Variants in ENTHD1 observed in about 807,000 individuals in gnomAD.
ENTHD1 encodes the protein ENTH domain containing 1, also known as ENTH domain-containing protein 1.
ENTHD1 carries 23 observed loss-of-function variants against 39.1 expected under a neutral mutation model. The ratio of observed to expected loss-of-function variants is 0.59; its 90% confidence interval spans 0.42 to 0.83. ENTHD1 has a LOEUF of 0.83. Ranked by LOEUF, ENTHD1 falls within the 40% of genes least tolerant of loss-of-function variation. ENTHD1 has a pLI of 0.00. For missense variants in ENTHD1, 624 were observed against 705.4 expected (o/e 0.88, Z 1.31); for synonymous variants, 230 against 258.2 (o/e 0.89, Z 1.05).
rs112826235 is a variant in ENTHD1 at position 39,843,542 on chromosome 22, G to A, written c.593-7584C>T. On this transcript the variant is annotated intron_variant, in intron 3 of 6. Transcript: ENST00000325157. Reference sequence around the variant, plus strand: ...GAGTTAGTGGGTGCAGCGCACCAGCGTGGCACATGTATACATATGTAACTA... The same window carrying A: ...GAGTTAGTGGGTGCAGCGCACCAGCATGGCACATGTATACATATGTAACTA... Among the ~76,000 whole-genome samples, 1,325 of 151,868 alleles carry A rather than the reference G, an allele frequency of 8.7e-3. 9 individuals carry two copies. The highest frequency in any genetic ancestry group is 0.011 in the Non-Finnish European group (753 of 67,942).
intron 6 of ENTHD1, among the ~76,000 whole-genome samples, chr22:39,761,802 C>T (rs189822567): frequency 2.8e-4 from 43 of 152,004 alleles, no homozygotes; most frequent in African/African-American, 8.7e-4. Flanking sequence ...TTTTGCCTGC[C>T]GAGATGCTCC....
intron 5 of ENTHD1, among the ~76,000 whole-genome samples, chr22:39,792,745 G>C (rs1351504240): frequency 6.6e-6 from 1 of 152,142 alleles, no homozygotes; most frequent in Non-Finnish European, 1.5e-5. Context: ...CAGGCAAGAA[G>C]AACCCATTGG....
At chr22:39,783,278 A>G (rs977728643) in intron 5 of ENTHD1, among the ~76,000 whole-genome samples, 1 of 152,164 alleles carries the variant, frequency 6.6e-6, no homozygotes, top group Non-Finnish European at 1.5e-5. Flanking sequence ...GAAATTGAAG[A>G]GGACCTAAAA....
At chr22:39,819,335 A>C (rs1162084532) in intron 5 of ENTHD1, among the ~76,000 whole-genome samples, 3 of 152,014 alleles carry the variant, frequency 2.0e-5, no homozygotes, top group Non-Finnish European at 2.9e-5. Flanking sequence ...ACTGTACTCC[A>C]ACCTGGGTGA....
chr22:39,874,154 G>T (rs1469324058), intron 2 of ENTHD1: 1 of 152,114 alleles, frequency 6.6e-6, no homozygotes, highest in Admixed American at 6.5e-5. Context: ...CAAAAGACCT[G>T]CCCCCATGAT....
chr22:39,797,864 TTC>T (rs2065563649), intron 5 of ENTHD1, among the ~76,000 whole-genome samples: 1 of 152,144 alleles, frequency 6.6e-6, no homozygotes, highest in African/African-American at 2.4e-5. Context: ...GTTTTTAGAA[TTC>T]TCTGTTTTTG....
chr22:39,744,549 C>T (rs1372653051), intron 6 of ENTHD1, among the ~76,000 whole-genome samples: 1 of 152,168 alleles, frequency 6.6e-6, no homozygotes, highest in East Asian at 1.9e-4. Context: ...CATCTTGACT[C>T]AAACCCTGCC....
chr22:39,836,973 C>G (rs781524039), intron 3 of ENTHD1, among the ~76,000 whole-genome samples: 2 of 152,152 alleles, frequency 1.3e-5, no homozygotes, highest in Non-Finnish European at 2.9e-5. Flanking sequence ...ATCAATTACC[C>G]AGTCTCAGGT....
At chr22:39,853,836 A>C (rs1321640254) in intron 3 of ENTHD1, among the ~76,000 whole-genome samples, 1 of 152,172 alleles carries the variant, frequency 6.6e-6, no homozygotes, top group Non-Finnish European at 1.5e-5. Flanking sequence ...TGGCCTCCCA[A>C]AGTGCTGGGA....
chr22:39,822,332 C>T lies in ENTHD1; in HGVS notation c.712-1219G>A, dbSNP rs117485678. Among the ~76,000 whole-genome samples the T allele has an allele frequency of 2.4e-3, 360 of 152,214 alleles. 2 individuals are homozygous for T. Among genetic ancestry groups the T allele is most frequent in the Non-Finnish European group, 3.7e-3 (253 of 68,010 alleles). ...TATATAGTAACCACATTTCCTGCAC[C>T]CAGAAAGTTTCCTCAAGCTCCTTTC... On this transcript the variant is annotated intron_variant, in intron 4 of 6. Coordinates refer to ENST00000325157, the MANE Select transcript of ENTHD1 (RefSeq NM_152512.4).
chr22:39,866,965 C>G (rs1229279009), intron 2 of ENTHD1, among the ~76,000 whole-genome samples: 1 of 152,028 alleles, frequency 6.6e-6, no homozygotes, highest in Non-Finnish European at 1.5e-5. Flanking sequence ...TGCAGTGGCA[C>G]GATCTCGGCC....
At chr22:39,843,281 T>TA (rs1318549712) in intron 3 of ENTHD1, among the ~76,000 whole-genome samples, 2 of 151,956 alleles carry the variant, frequency 1.3e-5, no homozygotes, top group African/African-American at 2.4e-5. Context: ...TATGCAGCCA[T>TA]AAAAAATGAT....
chr22:39,777,648 A>G (rs753385447), intron 5 of ENTHD1, among the ~76,000 whole-genome samples: 7 of 152,178 alleles, frequency 4.6e-5, no homozygotes, highest in Non-Finnish European at 7.3e-5. Context: ...TGCTTCTTCT[A>G]TAAAGGTGCT....
chr22:39,755,678 A>G (rs1464048824), intron 6 of ENTHD1, among the ~76,000 whole-genome samples: 1 of 152,102 alleles, frequency 6.6e-6, no homozygotes, highest in Non-Finnish European at 1.5e-5. Flanking sequence ...ACTAGAGAGG[A>G]TTTTGAGGGT....
chr22:39,752,244 T>C (rs1358215627), intron 6 of ENTHD1, among the ~76,000 whole-genome samples: 2 of 152,218 alleles, frequency 1.3e-5, no homozygotes, highest in African/African-American at 2.4e-5. Context: ...AATGAAGTAC[T>C]GATATATGTT....
chr22:39,853,606 C>T (rs1235513665), intron 3 of ENTHD1, among the ~76,000 whole-genome samples: 4 of 152,154 alleles, frequency 2.6e-5, no homozygotes, highest in Non-Finnish European at 4.4e-5. Context: ...TAGAGTCTTG[C>T]TGTGTCACCC....
chr22:39,827,234 C>A (rs2065834176), intron 4 of ENTHD1, among the ~76,000 whole-genome samples: 1 of 152,056 alleles, frequency 6.6e-6, no homozygotes, highest in African/African-American at 2.4e-5. Flanking sequence ...CCAGGATGGT[C>A]TCGATCTTCT....
chr22:39,760,115 T>C (rs1055010145), intron 6 of ENTHD1, among the ~76,000 whole-genome samples: 1 of 152,040 alleles, frequency 6.6e-6, no homozygotes, highest in Non-Finnish European at 1.5e-5. Context: ...TCTGCAGTGA[T>C]TGGATGTTGT....
intron 6 of ENTHD1, among the ~76,000 whole-genome samples, chr22:39,754,800 C>T (rs923558451): frequency 1.3e-5 from 2 of 152,178 alleles, no homozygotes; most frequent in African/African-American, 4.8e-5. Flanking sequence ...TTGAAGTGTT[C>T]CTCACCTCCA....
Sources: gnomAD v4.1 joint callset for allele counts (sites outside exome capture counted in the v4.1 genomes callset) on GRCh38, gnomAD v4.1.1 for gene constraint, MANE v1.5 for transcripts, NCBI Gene and HGNC (gene_info 2026-07-23, HGNC 2026-07-21) for gene names.